Variants in PPL observed in about 807,000 individuals in gnomAD.
The protein encoded by PPL is 190 kDa paraneoplastic pemphigus antigen.
In PPL, 198 loss-of-function variants were observed where a neutral mutation model predicts 194.4. The ratio of observed to expected loss-of-function variants is 1.02; its 90% confidence interval spans 0.91 to 1.15. The LOEUF is 1.15. Ranked by LOEUF, PPL falls within the 50% of genes most tolerant of loss-of-function variation. The pLI is 0.00. For missense variants in PPL, 2,885 were observed against 2,294.8 expected (o/e 1.26, Z -5.25); for synonymous variants, 1,220 against 972.4 (o/e 1.25, Z -4.74).
intron 1 of PPL, among the ~76,000 whole-genome samples, chr16:4,933,760 T>A (rs951156819): frequency 6.6e-6 from 1 of 152,028 alleles, no homozygotes; most frequent in African/African-American, 2.4e-5. Context: ...TGCAGGGAGG[T>A]TGTCCACGTC....
intron 18 of PPL, among the ~76,000 whole-genome samples, 174 bp from the exon 19 acceptor site, chr16:4,889,235 G>T (rs1439435329): frequency 0.016 from 289 of 18,642 alleles, 2 homozygotes; most frequent in African/African-American, 0.035. Flanking sequence ...TTTTTTTGTT[G>T]TTGTTGTTTT....
chr16:4,885,274 C>T lies in PPL; in HGVS notation c.3381G>A (p.Glu1127=). The T allele has an allele frequency of 1.2e-6, 2 of 1,612,024 alleles. No homozygotes were observed. The highest frequency in any genetic ancestry group is 8.5e-7 in the Non-Finnish European group (1 of 1,179,978). Residue 1127 remains glutamate, a synonymous_variant, in exon 22 of 22, where the codon GAG becomes GAA. Coordinates refer to ENST00000345988, the MANE Select transcript of PPL (RefSeq NM_002705.5). This position sits in a 1 kb window ranked among gnomAD's most constrained non-coding sequence, Gnocchi z 6.3. The stretch of plus-strand genomic sequence containing the variant: ...GGCGGGTGAGATCGCTGACCTCCCT[C>T]TCGGTGGCCGCGTCCTTCTCCACCT... The part of the protein sequence containing the change: ...VLKVEKDAAT[E]REVSDLTRQY...
At chr16:4,906,287 C>T (rs1053628056) in intron 2 of PPL, among the ~76,000 whole-genome samples, 9 of 152,134 alleles carry the variant, frequency 5.9e-5, no homozygotes, top group Admixed American at 2.0e-4. Context: ...TGCAGTGGCA[C>T]GATCTCGGCT....
At chr16:4,908,432 C>CTCTCTCTCTCTA (rs1250135955) in intron 2 of PPL, among the ~76,000 whole-genome samples, 1 of 145,818 alleles carries the variant, frequency 6.9e-6, no homozygotes, top group Non-Finnish European at 1.5e-5. Context: ...TTCTCTCTCT[C>CTCTCTCTCTCTA]TCTCTCTCTC....
intron 1 of PPL, among the ~76,000 whole-genome samples, chr16:4,921,279 T>G (rs1423387018): frequency 6.6e-6 from 1 of 152,182 alleles, no homozygotes; most frequent in East Asian, 1.9e-4. Context: ...TTGAGGGTAC[T>G]CCCAGGGACC....
At chr16:4,891,434 T>C (rs1365206563) in intron 16 of PPL, 4 of 143,042 alleles carry the variant, frequency 2.8e-5, no homozygotes, top group African/African-American at 1.2e-4. Context: ...ATGTGCTTTA[T>C]GCTTTTTTTT....
intron 1 of PPL, among the ~76,000 whole-genome samples, chr16:4,927,128 A>G (rs866304904): frequency 7.2e-5 from 11 of 152,196 alleles, no homozygotes; most frequent in African/African-American, 2.4e-4. Flanking sequence ...AATTTTGCCT[A>G]TTAAAAGATA....
At chr16:4,931,189 C>T (rs932985869) in intron 1 of PPL, among the ~76,000 whole-genome samples, 2 of 152,036 alleles carry the variant, frequency 1.3e-5, no homozygotes, top group Admixed American at 1.3e-4. Flanking sequence ...TATAGTGAGA[C>T]CCCATCTCTA....
At position 4,893,714 on chromosome 16, in the gene PPL, C is replaced by G. The variant is rs372142291; in HGVS notation, c.1395-76G>C. 184 of 1,303,262 alleles carry G rather than the reference C, an allele frequency of 1.4e-4. 1 individual carries two copies. In the East Asian group the frequency reaches 4.3e-3, roughly 31 times the overall value. 80.7% of individuals were successfully genotyped at this position (1,303,262 alleles called of 1,614,324 possible). A position where few individuals can be genotyped will look rare whatever the true frequency, so the allele number is the denominator to read the frequency against. On this transcript the variant is annotated intron_variant, in intron 12 of 21. Transcript: ENST00000345988. ...ACCCACAGAGGCGGGACTGCGGACT[C>G]TGGCTGGGCAGACACCCCAGAGGAG...
At chr16:4,903,402 A>C (rs1307730794) in intron 3 of PPL, among the ~76,000 whole-genome samples, 1 of 152,178 alleles carries the variant, frequency 6.6e-6, no homozygotes, top group Non-Finnish European at 1.5e-5. Flanking sequence ...AAATAGGGTC[A>C]TCAAGAGGAT....
rs866156030 is a variant in PPL, at chr16:4,908,830, C to T, written c.162+2020G>A. Among the ~76,000 whole-genome samples the T allele has an allele frequency of 4.6e-5, 7 of 152,212 alleles. No individual in the cohort carries two copies. The East Asian group carries it at 7.7e-4, about 17-fold the overall frequency. Reference sequence around the variant, plus strand: ...TGCTGAGATTACAGGCGCGAGCCACCGCACCCGGCTCATGATTTTAATTCA... The same window carrying T: ...TGCTGAGATTACAGGCGCGAGCCACTGCACCCGGCTCATGATTTTAATTCA... On this transcript the variant is annotated intron_variant, in intron 2 of 21. Transcript: ENST00000345988.
At position 4,883,883 on chromosome 16, in the gene PPL, G is replaced by A. The variant is rs145419671; in HGVS notation, c.4772C>T (p.Thr1591Met). 70 of 1,613,952 alleles carry A rather than the reference G, an allele frequency of 4.3e-5. No individual in the cohort carries two copies. The East Asian group carries it at 6.0e-4, about 14-fold the overall frequency. ...CATGTTCCGCAGGTCTCGTGTTTCC[G>A]TCGCTGCCATGTTGATTTCCGATTG... ...RLQSEINMAATETRDLRNMTV... is the reference protein window; with the variant it reads ...RLQSEINMAAMETRDLRNMTV... Residue 1591 changes from threonine to methionine, a missense_variant, in exon 22 of 22, where the codon ACG (threonine) becomes ATG (methionine). Thr to Met is a moderately conservative substitution (Grantham distance 81, BLOSUM62 -1). Coordinates refer to ENST00000345988, the MANE Select transcript of PPL (RefSeq NM_002705.5). This position sits in a 1 kb window ranked among gnomAD's most constrained non-coding sequence, Gnocchi z 4.8.
rs1482623542 is a variant in PPL at position 4,903,869 on chromosome 16, A to C, written c.317+17T>G. 11 of 1,613,360 alleles carry C rather than the reference A, an allele frequency of 6.8e-6. No individual in the cohort carries two copies. The highest frequency in any genetic ancestry group is 8.5e-6 in the Non-Finnish European group (10 of 1,179,816). On this transcript the variant is annotated intron_variant, in intron 3 of 21. Transcript: ENST00000345988. ...CCCCCAATGGCTCCCCTGGGGTAAGAAGCAGAAGGGACCTACTCCTCGGCG... is the reference window on the plus strand; with the variant it reads ...CCCCCAATGGCTCCCCTGGGGTAAGCAGCAGAAGGGACCTACTCCTCGGCG...
At chr16:4,905,664 C>T (rs1221745585) in intron 2 of PPL, among the ~76,000 whole-genome samples, 3 of 152,140 alleles carry the variant, frequency 2.0e-5, no homozygotes, top group South Asian at 2.1e-4. Flanking sequence ...ACAGGGGTGA[C>T]GTGGTGCCTG....
rs1032907902 is a variant in PPL at position 4,899,287 on chromosome 16, C to T, written c.704G>A (p.Gly235Asp). 15 of 1,613,718 alleles carry T rather than the reference C, an allele frequency of 9.3e-6. No homozygotes were observed. Among genetic ancestry groups the T allele is most frequent in the African/African-American group, 1.3e-5 (1 of 74,938 alleles). ...GTCACTCCAGTCGTACTGCATGCGG[C>T]CCTTGGCCTGCTGGTCCAGCCAGTA... ...ELYWLDQQAK[G>D]RMQYDWSDRN... Residue 235 changes from glycine to aspartate, a missense_variant, in exon 7 of 22, where the codon GGC becomes GAC. Coordinates refer to ENST00000345988, the MANE Select transcript of PPL (RefSeq NM_002705.5).
intron 19 of PPL, 87 bp from the exon 20 acceptor site, chr16:4,888,305 G>T (rs1273218207): frequency 8.7e-6 from 8 of 918,972 alleles, no homozygotes; most frequent in Non-Finnish European, 1.4e-5. Context: ...GGCTGACCCA[G>T]ACCTGCCCTG....
chr16:4,934,472 T>G (rs1490109873), intron 1 of PPL, among the ~76,000 whole-genome samples: 1 of 152,040 alleles, frequency 6.6e-6, no homozygotes, highest in Non-Finnish European at 1.5e-5. Flanking sequence ...AGCAGCCCTA[T>G]GCATGAGACA....
intron 2 of PPL, among the ~76,000 whole-genome samples, chr16:4,909,849 C>T (rs1037895366): frequency 6.6e-6 from 1 of 152,186 alleles, no homozygotes; most frequent in Non-Finnish European, 1.5e-5. Context: ...TCCCTAATAA[C>T]ACATGGGCTT....
At chr16:4,918,531 C>T (rs1454417608) in intron 1 of PPL, among the ~76,000 whole-genome samples, 3 of 152,122 alleles carry the variant, frequency 2.0e-5, no homozygotes, top group African/African-American at 7.2e-5. Flanking sequence ...TACCATTATT[C>T]TCAAAAGTTG....
Sources: gnomAD v4.1 joint callset for allele counts (sites outside exome capture counted in the v4.1 genomes callset) on GRCh38, gnomAD v4.1.1 for gene constraint, Gnocchi (gnomAD v3.1) non-coding constraint, MANE v1.5 for transcripts, NCBI Gene and HGNC (gene_info 2026-07-23, HGNC 2026-07-21) for gene names.